VPS33A: variants seen among roughly 807,000 people sequenced by gnomAD.
The protein encoded by VPS33A is vacuolar protein sorting-associated protein 33A.
In VPS33A, 32 loss-of-function variants were observed where a neutral mutation model predicts 71.8. The observed-to-expected ratio is 0.45, with a 90% CI of 0.34 to 0.60. The LOEUF (loss-of-function observed/expected upper bound fraction) is 0.60. VPS33A is among the 20% of genes least tolerant of loss of function. The pLI is 0.02. For synonymous variants in VPS33A, 311 were observed against 292.7 expected (o/e 1.06, Z -0.64); for missense variants, 625 against 748.5 (o/e 0.84, Z 1.92).
rs754626714 is a variant in VPS33A at position 122,235,856 on chromosome 12, G to C, written c.1370C>G (p.Thr457Arg). Reference sequence around the variant, plus strand: ...AGTTGGGTAATTGTTTCTGCCCCCCGTCTGCGGTTTCAGCAGGCCGGCCTT... The same window carrying C: ...AGTTGGGTAATTGTTTCTGCCCCCCCTCTGCGGTTTCAGCAGGCCGGCCTT... ...LEKAGLLKPQ[T>R]GGRNNYPTIR... is the part of the protein sequence containing the mutation. The change falls in exon 11 of 13, where the codon ACG becomes AGG. Residue 457 changes from threonine to arginine, a missense_variant. Physicochemically the swap from Thr to Arg is moderately conservative, Grantham distance 71. Transcript: ENST00000267199. 24 of 1,613,612 alleles carry C rather than the reference G, an allele frequency of 1.5e-5. No homozygotes were observed. The highest frequency in any genetic ancestry group is 2.0e-5 in the Non-Finnish European group (24 of 1,179,856).
chr12:122,247,091 C>G (rs1368656220), intron 6 of VPS33A, among the ~76,000 whole-genome samples: 3 of 152,132 alleles, frequency 2.0e-5, no homozygotes, highest in African/African-American at 7.2e-5. Flanking sequence ...GTGGTTGTCC[C>G]AAGGTTTGGG....
chr12:122,242,055 A>G (rs926011281), intron 8 of VPS33A, among the ~76,000 whole-genome samples: 6 of 151,714 alleles, frequency 4.0e-5, no homozygotes, highest in African/African-American at 1.5e-4. Flanking sequence ...CTACAGATGC[A>G]TACCACTGTG....
Position 122,233,002 on chromosome 12 carries a change from A to G in VPS33A, c.1441-34T>C, listed in dbSNP as rs1023713389. The G allele has an allele frequency of 2.6e-6, 4 of 1,543,634 alleles. No individual in the cohort carries two copies. In the African/African-American group the frequency reaches 4.1e-5, roughly 16 times the overall value. On this transcript the variant is annotated intron_variant, in intron 11 of 12. Coordinates refer to ENST00000267199, the MANE Select transcript of VPS33A (RefSeq NM_022916.6). ...TAATTAAAGAACAAAAACCCTATAG[A>G]TACAGAGACTTAGAGCTACCTGACT... is the stretch of plus-strand genomic sequence containing the variant.
rs545310041 is a variant in VPS33A at position 122,260,280 on chromosome 12, G to C, written c.483+981C>G. Among the ~76,000 whole-genome samples, 8 of 151,746 alleles carry C rather than the reference G, an allele frequency of 5.3e-5. No homozygotes were observed. The East Asian group carries it at 1.5e-3, about 29-fold the overall frequency. ...TTAAAGGAGAGAATTTCATGGCATT[G>C]TGAGTTTTTTTTTTTGTTTTTTGTT... On this transcript the variant is annotated intron_variant, in intron 4 of 12. Transcript: ENST00000267199.
At chr12:122,246,178 G>C (rs61954369) in intron 6 of VPS33A, among the ~76,000 whole-genome samples, 13,363 of 152,148 alleles carry the variant, frequency 0.088, 762 homozygotes, top group African/African-American at 0.16. Flanking sequence ...TCCAGGGAAA[G>C]AAAATAATCT....
At chr12:122,236,645 A>C (rs1954632711) in intron 10 of VPS33A, among the ~76,000 whole-genome samples, 3 of 152,206 alleles carry the variant, frequency 2.0e-5, no homozygotes, top group Non-Finnish European at 4.4e-5. Flanking sequence ...AAAAATAAAT[A>C]AATTTTAAAA....
intron 8 of VPS33A, chr12:122,241,035 G>A (rs1301718624): frequency 6.6e-6 from 1 of 151,374 alleles, no homozygotes; most frequent in Non-Finnish European, 1.5e-5. Context: ...TTGGGAGGCT[G>A]AGGCAGGAGA....
chr12:122,236,405 C>T (rs796539843), intron 10 of VPS33A, among the ~76,000 whole-genome samples: 8 of 152,170 alleles, frequency 5.3e-5, no homozygotes, highest in African/African-American at 1.7e-4. Context: ...TTTGGGAGGC[C>T]GAGGCGGGCC....
rs1321468071 is a variant in VPS33A at position 122,230,642 on chromosome 12, G to C, written c.*1604C>G. ...AATGAAAAAGGTGGGGAAAAACAAT[G>C]TGTGGTTACTAATCAACAACCAAAA... On this transcript the variant is annotated 3_prime_UTR_variant, in exon 13 of 13. Coordinates refer to ENST00000267199, the MANE Select transcript of VPS33A (RefSeq NM_022916.6). 6.6e-6 allele frequency: 1 copy of C among 152,212 alleles called. No individual in the cohort carries two copies. The highest frequency in any genetic ancestry group is 1.5e-5 in the Non-Finnish European group (1 of 68,066). The allele number at this position is 152,212 out of a possible 1,614,324, so 9.4% of individuals were successfully genotyped here. A position where few individuals can be genotyped will look rare whatever the true frequency, so the allele number is the denominator to read the frequency against.
At chr12:122,250,223 T>C in intron 5 of VPS33A, 178 bp from the exon 6 acceptor site, 1 of 613,916 alleles carries the variant, frequency 1.6e-6, no homozygotes, top group South Asian at 2.4e-5. Flanking sequence ...TCCCGACACT[T>C]GCACCAAGGC....
chr12:122,247,885 A>G (rs2048276003), intron 6 of VPS33A, among the ~76,000 whole-genome samples: 1 of 152,080 alleles, frequency 6.6e-6, no homozygotes, highest in African/African-American at 2.4e-5. Flanking sequence ...AAATATTTAA[A>G]AAAATTTTCA....
chr12:122,258,586 A>C lies in VPS33A; in HGVS notation c.483+2675T>G, dbSNP rs979488707. The stretch of plus-strand genomic sequence containing the variant: ...ATTTGTTTAGCTGAAGACAAAGGCC[A>C]ACAGGCACAAGAAAAGATGATCAAC... On this transcript the variant is annotated intron_variant, in intron 4 of 12. Transcript: ENST00000267199. Among the ~76,000 whole-genome samples the C allele has an allele frequency of 7.2e-5, 11 of 152,260 alleles. No individual in the cohort carries two copies. In the East Asian group the frequency reaches 1.9e-3, roughly 27 times the overall value.
intron 4 of VPS33A, among the ~76,000 whole-genome samples, chr12:122,252,426 G>A (rs978544287): frequency 4.6e-5 from 7 of 151,900 alleles, no homozygotes; most frequent in South Asian, 2.1e-4. Flanking sequence ...CCGCCACCAC[G>A]CCTGGCTAAT....
At chr12:122,241,819 C>T (rs1258767027) in intron 8 of VPS33A, among the ~76,000 whole-genome samples, 2 of 152,098 alleles carry the variant, frequency 1.3e-5, no homozygotes, top group African/African-American at 4.8e-5. Flanking sequence ...TCTTCAATTC[C>T]TGGACTCAAG....
At chr12:122,238,566 A>G (rs757274736) in intron 10 of VPS33A, 21 bp downstream of exon 10, 1 of 1,592,152 alleles carries the variant, frequency 6.3e-7, no homozygotes, top group Non-Finnish European at 8.5e-7. Context: ...TGGCAAATTA[A>G]TAATTTAAAA....
intron 4 of VPS33A, among the ~76,000 whole-genome samples, chr12:122,257,602 G>A (rs1954937007): frequency 6.6e-6 from 1 of 151,842 alleles, no homozygotes; most frequent in Non-Finnish European, 1.5e-5. Context: ...GAACCTGGGA[G>A]GTGAAGGTTG....
In VPS33A at chr12:122,249,882, C is replaced by T; in HGVS notation, c.764G>A (p.Gly255Asp). The T allele has an allele frequency of 6.2e-7, 1 of 1,613,124 alleles. No individual in the cohort carries two copies. Among genetic ancestry groups the T allele is most frequent in the Non-Finnish European group, 8.5e-7 (1 of 1,179,710 alleles). Residue 255 changes from glycine (G) to aspartate (D), a missense_variant, in exon 6 of 13, where the codon GGC (glycine) becomes GAC (aspartate). Transcript: ENST00000267199. ...TGTCATGTACTTACTGTTCTGAATG[C>T]CATAAATTTCATCAATGAGTCCTTC... Reference protein sequence around the residue: ...TYEGLIDEIYGIQNSYVKLPP... With the variant: ...TYEGLIDEIYDIQNSYVKLPP...
chr12:122,247,619 T>C (rs1396375628), intron 6 of VPS33A, among the ~76,000 whole-genome samples: 2 of 152,210 alleles, frequency 1.3e-5, no homozygotes, highest in Non-Finnish European at 2.9e-5. Flanking sequence ...CATTCATTCA[T>C]CCATTCTTGT....
Position 122,231,854 on chromosome 12 carries a change from T to C in VPS33A, c.*392A>G, listed in dbSNP as rs976434900. Reference sequence around the variant, plus strand: ...GGTGGATCACCTGAGGTCAGGAGTTTGAGACCAGCCTGGCCAACATGGTGA... The same window carrying C: ...GGTGGATCACCTGAGGTCAGGAGTTCGAGACCAGCCTGGCCAACATGGTGA... On this transcript the variant is annotated 3_prime_UTR_variant, in exon 13 of 13. Transcript: ENST00000267199. The C allele has an allele frequency of 2.4e-5, 8 of 331,236 alleles. No homozygotes were observed. Among genetic ancestry groups the C allele is most frequent in the Non-Finnish European group, 3.3e-5 (6 of 184,198 alleles). The allele number at this position is 331,236 out of a possible 1,614,324, so 20.5% of individuals were successfully genotyped here.
Sources: allele counts gnomAD v4.1 joint callset (sites outside exome capture counted in the v4.1 genomes callset), GRCh38; gene constraint gnomAD v4.1.1; transcripts MANE v1.5; gene names NCBI Gene and HGNC (gene_info 2026-07-23, HGNC 2026-07-21).